Variants in TMEM132D observed in about 807,000 individuals in gnomAD.
The protein encoded by TMEM132D is mature OL transmembrane protein.
TMEM132D carries 21 observed loss-of-function variants against 62.3 expected under a neutral mutation model. The ratio of observed to expected loss-of-function variants is 0.34; its 90% confidence interval spans 0.24 to 0.49. TMEM132D has a LOEUF of 0.49. Among genes scored for constraint, TMEM132D ranks in the 20% least tolerant of loss-of-function variants. The probability of loss-of-function intolerance (pLI) is 0.99; values close to 1 mark genes in which losing one functional copy is unlikely to be tolerated. For synonymous variants in TMEM132D, 621 were observed against 575.6 expected (o/e 1.08, Z -1.13); for missense variants, 1,346 against 1,402.8 (o/e 0.96, Z 0.65).
At chr12:129,142,779 C>T (rs1274117816) in intron 5 of TMEM132D, among the ~76,000 whole-genome samples, 3 of 152,000 alleles carry the variant, frequency 2.0e-5, no homozygotes, top group Admixed American at 1.3e-4. Context: ...CTTTGTTGTT[C>T]TCTGGTCATA....
At chr12:129,658,829 G>C (rs1227652843) in intron 2 of TMEM132D, among the ~76,000 whole-genome samples, 1 of 152,186 alleles carries the variant, frequency 6.6e-6, no homozygotes, top group Non-Finnish European at 1.5e-5. Context: ...AGGTAATGAA[G>C]GATGAGAGGC....
chr12:129,231,374 G>A (rs992187565), intron 4 of TMEM132D, among the ~76,000 whole-genome samples: 4 of 152,148 alleles, frequency 2.6e-5, no homozygotes, highest in African/African-American at 4.8e-5. Context: ...TCATTGGTGG[G>A]TCCCTGTGCA....
intron 1 of TMEM132D, among the ~76,000 whole-genome samples, chr12:129,768,697 G>T (rs1593154651): frequency 6.6e-6 from 1 of 152,122 alleles, no homozygotes; most frequent in Non-Finnish European, 1.5e-5. Context: ...CAGTGCTGGG[G>T]AGCCTGATGG....
intron 1 of TMEM132D, among the ~76,000 whole-genome samples, chr12:129,896,871 T>C (rs1875156261): frequency 6.6e-6 from 1 of 152,224 alleles, no homozygotes. Flanking sequence ...TTCAAAGGCA[T>C]GTTTTTTACC....
At chr12:129,524,088 G>C (rs529914367) in intron 3 of TMEM132D, among the ~76,000 whole-genome samples, 126 of 152,062 alleles carry the variant, frequency 8.3e-4, no homozygotes, top group Admixed American at 2.0e-3. Flanking sequence ...TCGTGGGGTG[G>C]GGGGAGTGGG....
chr12:129,661,515 C>T (rs966105088), intron 2 of TMEM132D, among the ~76,000 whole-genome samples: 1 of 152,182 alleles, frequency 6.6e-6, no homozygotes, highest in Admixed American at 6.5e-5. Context: ...GGAAAGTGGA[C>T]CTCCATGTTA....
At chr12:129,397,069 G>A (rs749750275) in intron 3 of TMEM132D, among the ~76,000 whole-genome samples, 67 of 152,028 alleles carry the variant, frequency 4.4e-4, no homozygotes, top group African/African-American at 1.4e-3. Flanking sequence ...CCTAAGTCCC[G>A]AGCAGAAAAA....
At chr12:129,644,528 C>G (rs1404683806) in intron 2 of TMEM132D, among the ~76,000 whole-genome samples, 1 of 152,116 alleles carries the variant, frequency 6.6e-6, no homozygotes, top group African/African-American at 2.4e-5. Flanking sequence ...TGGGGACACA[C>G]TACCCACCCA....
chr12:129,084,281 T>G (rs1244939905), intron 6 of TMEM132D, among the ~76,000 whole-genome samples: 1 of 152,142 alleles, frequency 6.6e-6, no homozygotes, highest in Non-Finnish European at 1.5e-5. Context: ...GGAGGCACTT[T>G]CTGCTGGAGT....
chr12:129,539,405 C>CT (rs33913406), intron 2 of TMEM132D, among the ~76,000 whole-genome samples: 12,300 of 116,950 alleles, frequency 0.11, 1,656 homozygotes, highest in African/African-American at 0.29. Context: ...CTAATTTTTT[C>CT]TTTTTTTTTT....
chr12:129,189,633 A>C (rs1188067890), intron 5 of TMEM132D, among the ~76,000 whole-genome samples: 1 of 152,126 alleles, frequency 6.6e-6, no homozygotes, highest in Admixed American at 6.5e-5. Context: ...AGGAGAATGC[A>C]CTTCACATTT....
chr12:129,514,767 A>T (rs1287880901), intron 3 of TMEM132D, among the ~76,000 whole-genome samples: 1 of 152,194 alleles, frequency 6.6e-6, no homozygotes, highest in East Asian at 1.9e-4. Context: ...TTTTGCTTTT[A>T]TGATCCATTC....
intron 1 of TMEM132D, among the ~76,000 whole-genome samples, chr12:129,723,160 C>T (rs1390850474): frequency 6.6e-6 from 1 of 152,154 alleles, no homozygotes; most frequent in African/African-American, 2.4e-5. Flanking sequence ...ATTACTTTTC[C>T]GTCACTCTGT....
intron 4 of TMEM132D, among the ~76,000 whole-genome samples, chr12:129,334,647 C>G (rs1233243092): frequency 6.6e-6 from 1 of 152,142 alleles, no homozygotes; most frequent in African/African-American, 2.4e-5. Flanking sequence ...AAGTATTGCT[C>G]TATCACCCAG....
At chr12:129,455,393 G>A (rs182369763) in intron 3 of TMEM132D, among the ~76,000 whole-genome samples, 9 of 152,096 alleles carry the variant, frequency 5.9e-5, no homozygotes, top group South Asian at 2.1e-4. Context: ...ATCTTATATC[G>A]TGGTTTTGAA....
At chr12:129,367,511 G>T (rs746021104) in intron 3 of TMEM132D, among the ~76,000 whole-genome samples, 1 of 152,174 alleles carries the variant, frequency 6.6e-6, no homozygotes, top group Admixed American at 6.5e-5. Context: ...CCAGTCTTCA[G>T]AGTCCCATGG....
intron 2 of TMEM132D, among the ~76,000 whole-genome samples, chr12:129,552,936 C>T (rs1053737440): frequency 1.3e-5 from 2 of 152,148 alleles, no homozygotes; most frequent in South Asian, 4.1e-4. Context: ...ACCTTTTGAT[C>T]CTGGCATTTA....
chr12:129,710,723 C>G (rs1881620179), intron 1 of TMEM132D, among the ~76,000 whole-genome samples: 1 of 152,186 alleles, frequency 6.6e-6, no homozygotes, highest in African/African-American at 2.4e-5. Flanking sequence ...GAATGTAAGA[C>G]AAACTAGGTC....
intron 1 of TMEM132D, among the ~76,000 whole-genome samples, chr12:129,821,895 G>C (rs1872549861): frequency 1.3e-5 from 2 of 152,176 alleles, no homozygotes; most frequent in African/African-American, 2.4e-5. Flanking sequence ...GAGCAGGAGT[G>C]CTGCTCTTAA....
Sources: gnomAD v4.1 joint callset for allele counts (sites outside exome capture counted in the v4.1 genomes callset) on GRCh38, gnomAD v4.1.1 for gene constraint, MANE v1.5 for transcripts, NCBI Gene and HGNC (gene_info 2026-07-23, HGNC 2026-07-21) for gene names.